TCERG1: variants seen among roughly 807,000 people sequenced by gnomAD.
The protein encoded by TCERG1 is transcription elongation regulator 1.
In TCERG1, 37 loss-of-function variants were observed where a neutral mutation model predicts 144.7. That is an observed-to-expected ratio of 0.26 (90% CI 0.20 to 0.34). The LOEUF (loss-of-function observed/expected upper bound fraction) is 0.34. Ranked by LOEUF, TCERG1 falls within the 10% of genes least tolerant of loss-of-function variation. The pLI is 1.00. For missense variants in TCERG1, 1,027 were observed against 1,380.7 expected (o/e 0.74, Z 4.06); for synonymous variants, 492 against 458.2 (o/e 1.07, Z -0.94).
At chr5:146,489,311 C>G (rs1336939284) in intron 15 of TCERG1, among the ~76,000 whole-genome samples, 1 of 152,096 alleles carries the variant, frequency 6.6e-6, no homozygotes, top group Non-Finnish European at 1.5e-5. Context: ...TATTGAAACA[C>G]AGTAACCCCA....
chr5:146,470,530 C>CA (rs1764195331), intron 7 of TCERG1, 106 bp from the exon 8 acceptor site: 10 of 881,970 alleles, frequency 1.1e-5, no homozygotes, highest in Non-Finnish European at 1.5e-5. Flanking sequence ...ATTTTATCTT[C>CA]ATGGTTAATA....
chr5:146,501,946 G>A (rs943716617), intron 17 of TCERG1, among the ~76,000 whole-genome samples: 4 of 134,242 alleles, frequency 3.0e-5, no homozygotes, highest in African/African-American at 1.1e-4. Context: ...CCAGGCTGGA[G>A]TGCAATGGTG....
At chr5:146,501,768 C>T (rs917823320) in intron 17 of TCERG1, among the ~76,000 whole-genome samples, 2 of 151,906 alleles carry the variant, frequency 1.3e-5, no homozygotes, top group Admixed American at 6.6e-5. Context: ...AGTGAAAGGC[C>T]AAGTTTAGTA....
rs747490540 is a variant in TCERG1, at chr5:146,463,599, C to T, written c.941C>T (p.Thr314Met). 7 of 1,614,122 alleles carry T rather than the reference C, an allele frequency of 4.3e-6. No individual in the cohort carries two copies. The East Asian group carries it at 8.9e-5, about 21-fold the overall frequency. Residue 314 changes from threonine to methionine, a missense_variant, in exon 5 of 23, where the codon ACG (threonine) becomes ATG (methionine). Transcript: ENST00000679501. ...QTPSSAVSVA[T>M]PTVSVSTPAP... ...CCAAGTTCTGCTGTTTCAGTTGCCA[C>T]GCCTACAGTTAGTGTTTCAACTCCT...
intron 5 of TCERG1, among the ~76,000 whole-genome samples, chr5:146,467,032 A>G (rs1039432574): frequency 2.0e-5 from 3 of 152,196 alleles, no homozygotes; most frequent in Non-Finnish European, 2.9e-5. Context: ...CTTTCTTTCA[A>G]CATTAGGGAA....
intron 1 of TCERG1, among the ~76,000 whole-genome samples, chr5:146,453,622 G>A (rs758399869): frequency 6.6e-6 from 1 of 152,138 alleles, no homozygotes; most frequent in African/African-American, 2.4e-5. Context: ...TGTTAGTACA[G>A]AATCCAATCT....
At position 146,507,449 on chromosome 5, in the gene TCERG1, G is replaced by C; in HGVS notation, c.2961+242G>C. 2.4e-6 allele frequency: 1 copy of C among 414,638 alleles called. No homozygotes were observed. The allele number at this position is 414,638 out of a possible 1,614,324, so 25.7% of individuals were successfully genotyped here. The stretch of plus-strand genomic sequence containing the variant: ...AATTCAAAATGTCCTTAGCCATGTG[G>C]TCAGTGATCCCTCCTAATAATAGAT... On this transcript the variant is annotated intron_variant, in intron 20 of 22. Transcript: ENST00000679501. This position sits in a 1 kb window ranked among gnomAD's most constrained non-coding sequence, Gnocchi z 4.6.
chr5:146,465,991 G>C (rs1369743541), intron 5 of TCERG1, among the ~76,000 whole-genome samples: 1 of 147,244 alleles, frequency 6.8e-6, no homozygotes, highest in South Asian at 2.1e-4. Flanking sequence ...TTGCACTGCA[G>C]CCTGGGCAAC....
At chr5:146,509,323 C>G in intron 22 of TCERG1, 78 bp downstream of exon 22, 1 of 934,232 alleles carries the variant, frequency 1.1e-6, no homozygotes, top group Non-Finnish European at 1.7e-6. Flanking sequence ...GCATTCTTTG[C>G]ATTCACACAC....
At chr5:146,458,845 CAG>C (rs1320385165) in intron 3 of TCERG1, 37 bp from the exon 4 acceptor site, 2 of 1,559,456 alleles carry the variant, frequency 1.3e-6, no homozygotes, top group East Asian at 2.3e-5. Context: ...TAATAACTGA[CAG>C]ATTTTATGAT....
intron 9 of TCERG1, among the ~76,000 whole-genome samples, chr5:146,473,172 G>T (rs924236427): frequency 3.3e-5 from 5 of 152,214 alleles, no homozygotes; most frequent in Non-Finnish European, 7.3e-5. Flanking sequence ...GTGAACATAA[G>T]AATGATAAGA....
chr5:146,505,096 A>C (rs1767838798), intron 19 of TCERG1, among the ~76,000 whole-genome samples: 1 of 151,964 alleles, frequency 6.6e-6, no homozygotes, highest in African/African-American at 2.4e-5. Flanking sequence ...CTAAAAAAAA[A>C]AAAAAAAAAG....
intron 12 of TCERG1, among the ~76,000 whole-genome samples, 175 bp from the exon 13 acceptor site, chr5:146,480,975 T>TA (rs1365555896): frequency 3.7e-3 from 540 of 147,782 alleles, no homozygotes; most frequent in African/African-American, 9.3e-3. Flanking sequence ...TGCTTTTTTT[T>TA]TAAAAAAAAA....
chr5:146,509,434 G>A (rs1768279421), intron 22 of TCERG1, among the ~76,000 whole-genome samples, 189 bp downstream of exon 22: 1 of 150,166 alleles, frequency 6.7e-6, no homozygotes, highest in African/African-American at 2.5e-5. Flanking sequence ...TTTAAAGAAA[G>A]GGCCCAGATG....
chr5:146,461,276 T>C (rs1332677414), intron 4 of TCERG1, among the ~76,000 whole-genome samples: 1 of 152,222 alleles, frequency 6.6e-6, no homozygotes, highest in East Asian at 1.9e-4. Flanking sequence ...TGATGTTGTC[T>C]ACGTATTCCA....
At chr5:146,452,871 G>A (rs1000083994) in intron 1 of TCERG1, among the ~76,000 whole-genome samples, 20 of 152,138 alleles carry the variant, frequency 1.3e-4, no homozygotes, top group African/African-American at 4.8e-4. Flanking sequence ...GATTACAGGC[G>A]CGAGCCACCG....
intron 5 of TCERG1, among the ~76,000 whole-genome samples, 163 bp from the exon 6 acceptor site, chr5:146,468,178 C>T (rs55774578): frequency 3.9e-5 from 6 of 152,266 alleles, no homozygotes; most frequent in Non-Finnish European, 8.8e-5. Context: ...TTTGGCAGCA[C>T]TTCCCACAAA....
intron 7 of TCERG1, among the ~76,000 whole-genome samples, chr5:146,470,215 C>G (rs573845984): frequency 3.9e-5 from 6 of 152,264 alleles, no homozygotes; most frequent in African/African-American, 1.2e-4. Flanking sequence ...GTTGCCCAGG[C>G]TGGTCTTGAA....
At chr5:146,487,989 C>T (rs1178080165) in intron 15 of TCERG1, among the ~76,000 whole-genome samples, 4 of 152,094 alleles carry the variant, frequency 2.6e-5, no homozygotes, top group Non-Finnish European at 5.9e-5. Context: ...GCCAAGAACA[C>T]TCACTGTGGC....
Sources: gnomAD v4.1 joint callset for allele counts (sites outside exome capture counted in the v4.1 genomes callset) on GRCh38, gnomAD v4.1.1 for gene constraint, Gnocchi (gnomAD v3.1) non-coding constraint, MANE v1.5 for transcripts, NCBI Gene and HGNC (gene_info 2026-07-23, HGNC 2026-07-21) for gene names.